The following LCORL variants were observed in gnomAD, a reference collection of about 807,000 sequenced individuals.
The protein encoded by LCORL is ligand dependent nuclear receptor corepressor like.
LCORL carries 41 observed loss-of-function variants against 141.8 expected under a neutral mutation model. The ratio of observed to expected loss-of-function variants is 0.29; its 90% CI spans 0.23 to 0.38. The LOEUF is 0.38. LCORL is among the 10% of genes least tolerant of loss of function. The pLI, the probability that LCORL is intolerant of heterozygous loss-of-function variation, is 1.00. For synonymous variants in LCORL, 618 were observed against 694.1 expected (o/e 0.89, Z 1.72); for missense variants, 1,759 against 2,035.0 (o/e 0.86, Z 2.61).
At chr4:17,854,035 G>C (rs1724070414) in intron 7 of LCORL, among the ~76,000 whole-genome samples, 1 of 152,128 alleles carries the variant, frequency 6.6e-6, no homozygotes, top group East Asian at 1.9e-4. Context: ...GGATTACAGA[G>C]AAGGGAAAGA....
At chr4:17,895,858 T>C (rs1729845972) in intron 5 of LCORL, among the ~76,000 whole-genome samples, 2 of 152,226 alleles carry the variant, frequency 1.3e-5, no homozygotes, top group Non-Finnish European at 2.9e-5. Flanking sequence ...GGTTCACTCA[T>C]GTAGCATGCA....
intron 5 of LCORL, among the ~76,000 whole-genome samples, chr4:17,901,538 T>TA (rs1730881880): frequency 6.6e-6 from 1 of 152,064 alleles, no homozygotes. Flanking sequence ...AAATTGATGA[T>TA]ATAAAACAAA....
At chr4:18,005,735 G>T (rs541639608) in intron 1 of LCORL, among the ~76,000 whole-genome samples, 2 of 152,282 alleles carry the variant, frequency 1.3e-5, no homozygotes, top group East Asian at 3.9e-4. Flanking sequence ...CTCTATGTTG[G>T]CCCCTTTCAG....
exon 8 of LCORL, chr4:17,845,664 A>T (rs1577224808): frequency 1.6e-6 from 2 of 1,252,930 alleles, no homozygotes; most frequent in East Asian, 4.8e-5. Flanking sequence ...ATAAATGCTT[A>T]TTGTTCAGAA....
chr4:17,949,654 T>C (rs959732767), intron 4 of LCORL, among the ~76,000 whole-genome samples: 1 of 152,186 alleles, frequency 6.6e-6, no homozygotes, highest in African/African-American at 2.4e-5. Context: ...ATACACTTTC[T>C]TCTCCTAGCT....
chr4:17,878,461 CAT>C (rs576716454), intron 6 of LCORL, among the ~76,000 whole-genome samples: 88 of 151,424 alleles, frequency 5.8e-4, no homozygotes, highest in Non-Finnish European at 9.5e-4. Flanking sequence ...GATGATTATA[CAT>C]ATGATTACAT....
In LCORL at chr4:17,938,082, C is replaced by T. The variant is rs546873438; in HGVS notation, c.430+23821G>A. 4.2e-4 allele frequency among the ~76,000 whole-genome samples: 63 copies of T among 149,006 alleles called. 1 individual carries two copies. In the South Asian group the frequency reaches 0.012, roughly 29 times the overall value. ...GTGCAGTGGCGCGATCTCAGCTCAC[C>T]GCAACCTCTGCCTCCTGGGTTCAAG... On this transcript the variant is annotated intron_variant, in intron 4 of 7. Transcript: ENST00000635767.
chr4:17,917,440 G>A (rs188765673), intron 4 of LCORL, among the ~76,000 whole-genome samples: 88 of 152,304 alleles, frequency 5.8e-4, no homozygotes, highest in Admixed American at 2.2e-3. Context: ...TGATCTGCCC[G>A]CCCTGGCCTC....
At chr4:17,888,389 C>T (rs1308158528) in intron 5 of LCORL, among the ~76,000 whole-genome samples, 2 of 152,106 alleles carry the variant, frequency 1.3e-5, no homozygotes, top group African/African-American at 4.8e-5. Context: ...TCATCTCAAA[C>T]CTCACGTCTC....
chr4:17,844,083 GTAT>G (rs1300843695), exon 8 of LCORL: 1 of 151,876 alleles, frequency 6.6e-6, no homozygotes, highest in East Asian at 1.9e-4. Context: ...CAACATAAAT[GTAT>G]TATTAACCAT....
intron 5 of LCORL, among the ~76,000 whole-genome samples, chr4:17,889,545 A>G (rs558519545): frequency 1.8e-4 from 28 of 152,214 alleles, no homozygotes; most frequent in Admixed American, 1.8e-3. Context: ...TATCTATGGA[A>G]AATCTCACTT....
chr4:17,935,321 ACTT>A (rs985531950), intron 4 of LCORL, among the ~76,000 whole-genome samples: 3 of 152,160 alleles, frequency 2.0e-5, no homozygotes, highest in Non-Finnish European at 1.5e-5. Flanking sequence ...AATAACTACT[ACTT>A]AACATATATT....
intron 1 of LCORL, among the ~76,000 whole-genome samples, chr4:17,983,040 GTT>G (rs1240260202): frequency 2.5e-4 from 38 of 152,248 alleles, no homozygotes; most frequent in Non-Finnish European, 1.5e-5. Context: ...CCCATTACTT[GTT>G]TTTGTTAGCT....
At chr4:17,908,912 TAAAC>T (rs1266491626) in intron 5 of LCORL, among the ~76,000 whole-genome samples, 178 bp downstream of exon 5, 2 of 152,144 alleles carry the variant, frequency 1.3e-5, no homozygotes, top group African/African-American at 4.8e-5. Flanking sequence ...TTCTCTTTTA[TAAAC>T]AAAGATGCAA....
Position 17,954,043 on chromosome 4 carries a change from A to G in LCORL, c.430+7860T>C, listed in dbSNP as rs1290137388. On this transcript the variant is annotated intron_variant, in intron 4 of 7. Coordinates refer to ENST00000635767, the Ensembl canonical transcript of LCORL. ...CCAGGTGTGGTGGCGGGCGCCTGTA[A>G]TCCCAGCTACAGGGGAGGCTGAGGC... Among the ~76,000 whole-genome samples, 4 of 152,126 alleles carry G rather than the reference A, an allele frequency of 2.6e-5. No individual in the cohort carries two copies. The East Asian group carries it at 7.7e-4, about 29-fold the overall frequency.
At chr4:17,926,702 A>G (rs1051284285) in intron 4 of LCORL, among the ~76,000 whole-genome samples, 12 of 152,230 alleles carry the variant, frequency 7.9e-5, no homozygotes, top group Non-Finnish European at 1.8e-4. Flanking sequence ...TCCTTTTCAT[A>G]TACACATCTA....
chr4:17,998,888 T>C (rs1721341189), intron 1 of LCORL, among the ~76,000 whole-genome samples: 1 of 142,578 alleles, frequency 7.0e-6, no homozygotes, highest in Admixed American at 7.3e-5. Flanking sequence ...CACCTGAGAC[T>C]GACAAGGTCA....
chr4:17,872,030 C>A (rs1726396869), intron 7 of LCORL, among the ~76,000 whole-genome samples: 1 of 151,662 alleles, frequency 6.6e-6, no homozygotes, highest in Non-Finnish European at 1.5e-5. Context: ...AATATAAGAC[C>A]TGATACTACC....
intron 1 of LCORL, among the ~76,000 whole-genome samples, chr4:18,016,865 G>A (rs1006459054): frequency 2.0e-5 from 3 of 152,058 alleles, no homozygotes; most frequent in Admixed American, 1.3e-4. Context: ...TTTTGCTGCT[G>A]TGCCCTTAGA....
Sources: allele counts gnomAD v4.1 joint callset (sites outside exome capture counted in the v4.1 genomes callset), GRCh38; gene constraint gnomAD v4.1.1; transcripts MANE v1.5; gene names NCBI Gene and HGNC (gene_info 2026-07-23, HGNC 2026-07-21).